The following RASAL2 variants were observed in gnomAD, a reference collection of about 807,000 sequenced individuals.
RASAL2 encodes ras GTPase-activating protein nGAP.
In RASAL2, 58 loss-of-function variants were observed where a neutral mutation model predicts 128.9. That is an observed-to-expected ratio of 0.45 (90% CI 0.36 to 0.56). The LOEUF is 0.56. Among genes scored for constraint, RASAL2 ranks in the 20% least tolerant of loss-of-function variants. The pLI, the probability that RASAL2 is intolerant of heterozygous loss-of-function variation, is 0.00. For synonymous variants in RASAL2, 561 were observed against 580.8 expected, an observed-to-expected ratio of 0.97 and a Z score of 0.49; for missense variants, 1,360 against 1,601.6, an observed-to-expected ratio of 0.85 and a Z score of 2.57.
At chr1:178,132,544 A>G (rs1660159905) in intron 1 of RASAL2, among the ~76,000 whole-genome samples, 1 of 152,194 alleles carries the variant, frequency 6.6e-6, no homozygotes, top group Non-Finnish European at 1.5e-5. Flanking sequence ...ATTTACCTGT[A>G]GTTATACAAA....
intron 3 of RASAL2, among the ~76,000 whole-genome samples, chr1:178,342,843 C>T (rs1230057208): frequency 6.6e-6 from 1 of 152,138 alleles, no homozygotes; most frequent in African/African-American, 2.4e-5. Context: ...CTGTTTCTCC[C>T]TGCTTATAAG....
intron 1 of RASAL2, among the ~76,000 whole-genome samples, chr1:178,139,350 C>T (rs149315312): frequency 6.6e-6 from 1 of 152,174 alleles, no homozygotes; most frequent in East Asian, 1.9e-4. Flanking sequence ...AGATGATCTA[C>T]ACTAAATCTA....
At chr1:178,424,980 C>T (rs1321895841) in intron 5 of RASAL2, among the ~76,000 whole-genome samples, 1 of 152,124 alleles carries the variant, frequency 6.6e-6, no homozygotes, top group Non-Finnish European at 1.5e-5. Context: ...CTGTATGCTA[C>T]AGAGAATATA....
intron 1 of RASAL2, among the ~76,000 whole-genome samples, chr1:178,255,049 A>T (rs1665261209): frequency 6.6e-6 from 1 of 152,164 alleles, no homozygotes; most frequent in Admixed American, 6.5e-5. Context: ...ATCCAAAAAA[A>T]CCCAAAAAAA....
chr1:178,276,292 A>C (rs1666507641), intron 1 of RASAL2, among the ~76,000 whole-genome samples: 1 of 152,176 alleles, frequency 6.6e-6, no homozygotes, highest in Non-Finnish European at 1.5e-5. Context: ...CAGAATATAG[A>C]GGGTGGGAAG....
chr1:178,453,685 A>G (rs758685933), intron 11 of RASAL2, among the ~76,000 whole-genome samples: 4 of 152,084 alleles, frequency 2.6e-5, no homozygotes, highest in Non-Finnish European at 4.4e-5. Context: ...TGATATTTTT[A>G]TAATTTATAG....
chr1:178,371,329 C>CACACACACAA (rs1367870400), intron 3 of RASAL2, among the ~76,000 whole-genome samples: 4 of 139,976 alleles, frequency 2.9e-5, no homozygotes, highest in Admixed American at 6.9e-5. Flanking sequence ...TTCCCACACA[C>CACACACACAA]ACACACACAC....
intron 3 of RASAL2, among the ~76,000 whole-genome samples, chr1:178,350,624 G>A (rs948946138): frequency 3.3e-5 from 5 of 152,248 alleles, no homozygotes; most frequent in Admixed American, 6.5e-5. Flanking sequence ...GACCACACTC[G>A]TATCTGGAGC....
At chr1:178,328,709 A>C (rs937653283) in intron 3 of RASAL2, among the ~76,000 whole-genome samples, 3 of 152,230 alleles carry the variant, frequency 2.0e-5, no homozygotes, top group African/African-American at 7.2e-5. Flanking sequence ...AACAAGTATT[A>C]TTAGTACCCT....
intron 3 of RASAL2, among the ~76,000 whole-genome samples, chr1:178,317,527 G>A (rs1374915234): frequency 6.6e-6 from 1 of 150,644 alleles, no homozygotes; most frequent in Non-Finnish European, 1.5e-5. Flanking sequence ...TTGGGAGAGT[G>A]TATGTGTCGA....
chr1:178,384,126 A>G (rs1297999583), intron 3 of RASAL2, among the ~76,000 whole-genome samples: 1 of 152,182 alleles, frequency 6.6e-6, no homozygotes, highest in Non-Finnish European at 1.5e-5. Flanking sequence ...GAGTATTTAC[A>G]TTTATTCATG....
intron 1 of RASAL2, among the ~76,000 whole-genome samples, chr1:178,121,460 G>C (rs560880715): frequency 6.6e-6 from 1 of 151,998 alleles, no homozygotes; most frequent in African/African-American, 2.4e-5. Flanking sequence ...TAGAAATCAA[G>C]TATTTCTGCT....
intron 3 of RASAL2, among the ~76,000 whole-genome samples, chr1:178,366,576 A>ACCAC (rs1279497126): frequency 1.3e-5 from 1 of 76,296 alleles, no homozygotes; most frequent in African/African-American, 6.0e-5. Flanking sequence ...ATTACTTGGT[A>ACCAC]CCTCCCACCC....
chr1:178,149,600 A>G (rs1660842659), intron 1 of RASAL2, among the ~76,000 whole-genome samples: 1 of 152,028 alleles, frequency 6.6e-6, no homozygotes, highest in Admixed American at 6.6e-5. Flanking sequence ...AACTTTGAGT[A>G]TCACAGAGTC....
In RASAL2 at chr1:178,450,959, G is replaced by A. The variant is rs141628508; in HGVS notation, c.1628-612G>A. Among the ~76,000 whole-genome samples the A allele has an allele frequency of 3.1e-3, 477 of 152,278 alleles. 2 individuals are homozygous for A. The highest frequency in any genetic ancestry group is 5.0e-3 in the Non-Finnish European group (337 of 68,012). On this transcript the variant is annotated intron_variant, in intron 9 of 17. Transcript: ENST00000367649. ...GGAATTTGTTCTTTCAGGGAATAGTGGGTGTATCTTCATAGAGCATAGGCC... is the reference window on the plus strand; with the variant it reads ...GGAATTTGTTCTTTCAGGGAATAGTAGGTGTATCTTCATAGAGCATAGGCC...
intron 2 of RASAL2, among the ~76,000 whole-genome samples, chr1:178,287,432 ATTG>A (rs1667080069): frequency 6.6e-6 from 1 of 151,724 alleles, no homozygotes; most frequent in Non-Finnish European, 1.5e-5. Flanking sequence ...AATAAAGTGG[ATTG>A]TTAAGAAAAA....
chr1:178,463,195 C>A (rs970282623), intron 14 of RASAL2, among the ~76,000 whole-genome samples: 2 of 152,022 alleles, frequency 1.3e-5, no homozygotes, highest in African/African-American at 4.8e-5. Context: ...AAATACAAAT[C>A]CCTCTATTTA....
At chr1:178,383,565 T>C (rs1309707497) in intron 3 of RASAL2, among the ~76,000 whole-genome samples, 1 of 152,194 alleles carries the variant, frequency 6.6e-6, no homozygotes, top group Non-Finnish European at 1.5e-5. Context: ...AGCAAAAAAA[T>C]ATGAAACCTT....
rs1245084174 is a variant in RASAL2, at chr1:178,477,710, A to G, written c.*4471A>G. On this transcript the variant is annotated 3_prime_UTR_variant, in exon 18 of 18. Transcript: ENST00000367649. ...TGGGGCTTCCTTTTTCTGAATGTTAATCCATTTTATCGAGCAGTGATTCCC... is the reference window on the plus strand; with the variant it reads ...TGGGGCTTCCTTTTTCTGAATGTTAGTCCATTTTATCGAGCAGTGATTCCC... 2.0e-5 allele frequency: 3 copies of G among 152,182 alleles called. No homozygotes were observed. Among genetic ancestry groups the G allele is most frequent in the African/African-American group, 7.2e-5 (3 of 41,442 alleles). 9.4% of individuals were successfully genotyped at this position (152,182 alleles called of 1,614,324 possible).
Sources: allele counts gnomAD v4.1 joint callset (sites outside exome capture counted in the v4.1 genomes callset), GRCh38; gene constraint gnomAD v4.1.1; transcripts MANE v1.5; gene names NCBI Gene and HGNC (gene_info 2026-07-23, HGNC 2026-07-21).